FRMD4A: variants seen among roughly 807,000 people sequenced by gnomAD.
The protein encoded by FRMD4A is FERM domain-containing protein 4A.
Under a neutral mutation model 129.1 loss-of-function variants are expected in FRMD4A, and 29 were observed. That is an observed-to-expected ratio of 0.22 (90% CI 0.17 to 0.31). The LOEUF (loss-of-function observed/expected upper bound fraction) is 0.31. Ranked by LOEUF, FRMD4A falls within the 10% of genes least tolerant of loss-of-function variation. FRMD4A has a pLI of 1.00. For missense variants in FRMD4A, 1,272 were observed against 1,375.8 expected (o/e 0.92, Z 1.19); for synonymous variants, 634 against 571.6 (o/e 1.11, Z -1.56).
chr10:13,968,137 T>A (rs1313303080), intron 2 of FRMD4A, among the ~76,000 whole-genome samples: 1 of 152,138 alleles, frequency 6.6e-6, no homozygotes, highest in East Asian at 1.9e-4. Flanking sequence ...GACTGCACAT[T>A]AGTATCAAAA....
intron 2 of FRMD4A, among the ~76,000 whole-genome samples, chr10:14,025,403 G>C (rs547085240): frequency 1.3e-5 from 2 of 152,014 alleles, no homozygotes; most frequent in African/African-American, 4.8e-5. Context: ...GTAGTGTTAA[G>C]TACATTCACC....
chr10:13,670,646 C>T (rs897006844), intron 16 of FRMD4A, 118 bp from the exon 17 acceptor site: 10 of 878,352 alleles, frequency 1.1e-5, no homozygotes, highest in African/African-American at 3.3e-5. Flanking sequence ...CACTTCGATA[C>T]AGGTCAACGC....
At chr10:13,966,990 T>C (rs1207571919) in intron 2 of FRMD4A, among the ~76,000 whole-genome samples, 1 of 152,226 alleles carries the variant, frequency 6.6e-6, no homozygotes, top group Non-Finnish European at 1.5e-5. Flanking sequence ...AACCAAACAC[T>C]GTATATTCTC....
intron 2 of FRMD4A, among the ~76,000 whole-genome samples, chr10:14,177,628 G>T (rs1841777636): frequency 6.6e-6 from 1 of 152,188 alleles, no homozygotes; most frequent in African/African-American, 2.4e-5. Flanking sequence ...AGAACAGAGG[G>T]GGGACTATGC....
At chr10:13,730,650 C>T (rs1032988145) in intron 12 of FRMD4A, among the ~76,000 whole-genome samples, 2 of 152,034 alleles carry the variant, frequency 1.3e-5, no homozygotes, top group African/African-American at 4.8e-5. Context: ...CTTTCTATTC[C>T]CACACATATG....
chr10:13,867,743 AATATAAT>A lies in FRMD4A; in HGVS notation c.46-8838_46-8832del, dbSNP rs1178799529. Among the ~76,000 whole-genome samples, 20 of 122,528 alleles carry A rather than the reference AATATAAT, an allele frequency of 1.6e-4. 1 individual carries two copies. The highest frequency in any genetic ancestry group is 6.0e-4 in the African/African-American group (18 of 29,856). The allele number at this position is 122,528 out of a possible 152,430, so 80.4% of individuals were successfully genotyped here. ...ATATAATATATAATAAATAACATATAATATAATATATAATATATAATATAATATGATA... is the reference window on the plus strand; with the variant it reads ...ATATAATATATAATAAATAACATATAATATAATATATAATATAATATGATA... On this transcript the variant is annotated intron_variant, in intron 2 of 24. Coordinates refer to ENST00000357447, the MANE Select transcript of FRMD4A (RefSeq NM_018027.5).
intron 3 of FRMD4A, among the ~76,000 whole-genome samples, 197 bp from the exon 4 acceptor site, chr10:13,811,105 A>G (rs1215075807): frequency 2.6e-5 from 4 of 151,788 alleles, no homozygotes; most frequent in Non-Finnish European, 5.9e-5. Context: ...TCATCAACAG[A>G]TAGAGACCTT....
intron 2 of FRMD4A, among the ~76,000 whole-genome samples, chr10:13,874,946 G>A (rs2094474048): frequency 6.6e-6 from 1 of 152,112 alleles, no homozygotes; most frequent in South Asian, 2.1e-4. Flanking sequence ...TGATCAGTGT[G>A]ACTACAGGGG....
chr10:13,747,899 T>C lies in FRMD4A; in HGVS notation c.465-80A>G. Reference sequence around the variant, plus strand: ...CTCTGATACCACTTGGGCCGCTGTCTTGTCTGAGAGACCCCACATCTGCTT... The same window carrying C: ...CTCTGATACCACTTGGGCCGCTGTCCTGTCTGAGAGACCCCACATCTGCTT... On this transcript the variant is annotated intron_variant, in intron 8 of 24. Coordinates refer to ENST00000357447, the MANE Select transcript of FRMD4A (RefSeq NM_018027.5). The C allele has an allele frequency of 3.7e-6, 3 of 811,214 alleles. No individual in the cohort carries two copies. In the South Asian group the frequency reaches 4.2e-5, roughly 11 times the overall value. The allele number at this position is 811,214 out of a possible 1,614,324, so 50.3% of individuals were successfully genotyped here. A position where few individuals can be genotyped will look rare whatever the true frequency, so the allele number is the denominator to read the frequency against.
At chr10:14,260,466 T>C (rs1053254703) in intron 2 of FRMD4A, among the ~76,000 whole-genome samples, 1 of 152,066 alleles carries the variant, frequency 6.6e-6, no homozygotes, top group Non-Finnish European at 1.5e-5. Flanking sequence ...GGGCTCAGGG[T>C]TCACACACAG....
At chr10:13,800,790 G>C (rs1486219935) in intron 4 of FRMD4A, among the ~76,000 whole-genome samples, 4 of 152,204 alleles carry the variant, frequency 2.6e-5, no homozygotes, top group African/African-American at 9.6e-5. Context: ...TTCATCCACA[G>C]AGGACAAACA....
chr10:14,315,699 A>C (rs145037517), intron 2 of FRMD4A, among the ~76,000 whole-genome samples: 2 of 152,126 alleles, frequency 1.3e-5, no homozygotes, highest in Non-Finnish European at 2.9e-5. Context: ...GAACCCCTAA[A>C]TTCCATGACT....
At chr10:13,812,037 C>A (rs1295695223) in intron 3 of FRMD4A, among the ~76,000 whole-genome samples, 3 of 152,088 alleles carry the variant, frequency 2.0e-5, no homozygotes, top group Non-Finnish European at 4.4e-5. Flanking sequence ...TGCGTGCCAC[C>A]ATGCCCAACG....
chr10:14,026,464 G>A (rs1832990250), intron 2 of FRMD4A, among the ~76,000 whole-genome samples: 1 of 152,280 alleles, frequency 6.6e-6, no homozygotes, highest in Non-Finnish European at 1.5e-5. Flanking sequence ...TTCGAGTTAT[G>A]GTTTCTATTT....
chr10:14,196,419 T>C (rs1490548575), intron 2 of FRMD4A, among the ~76,000 whole-genome samples: 1 of 152,214 alleles, frequency 6.6e-6, no homozygotes, highest in South Asian at 2.1e-4. Context: ...AAAATGTTCC[T>C]GTTATCCAAC....
At chr10:13,891,857 AGCCCCGCCGCC>A (rs2094702040) in intron 2 of FRMD4A, 1 of 506,994 alleles carries the variant, frequency 2.0e-6, no homozygotes, top group African/African-American at 2.1e-5. Context: ...GGCGCCAGTG[AGCCCCGCCGCC>A]GGCCCGCCCC....
At chr10:14,171,945 G>A (rs960731078) in intron 2 of FRMD4A, among the ~76,000 whole-genome samples, 4 of 152,144 alleles carry the variant, frequency 2.6e-5, no homozygotes, top group African/African-American at 4.8e-5. Flanking sequence ...ACCTTGTCAC[G>A]GATATGTCTT....
chr10:13,713,995 T>TATACATATATA (rs1554858790), intron 12 of FRMD4A, among the ~76,000 whole-genome samples: 11 of 71,298 alleles, frequency 1.5e-4, no homozygotes, highest in Non-Finnish European at 2.4e-4. Flanking sequence ...ACATATATAA[T>TATACATATATA]ATACATATAT....
intron 16 of FRMD4A, 65 bp from the exon 17 acceptor site, chr10:13,670,593 A>G: frequency 1.4e-6 from 2 of 1,471,424 alleles, no homozygotes; most frequent in East Asian, 4.9e-5. Context: ...GCTTCCTAGA[A>G]CACACACACA....
Sources: allele counts gnomAD v4.1 joint callset (sites outside exome capture counted in the v4.1 genomes callset), GRCh38; gene constraint gnomAD v4.1.1; transcripts MANE v1.5; gene names NCBI Gene and HGNC (gene_info 2026-07-23, HGNC 2026-07-21).